Variants in FBXO10 observed in about 807,000 individuals in gnomAD.
FBXO10 encodes F-box only protein 10.
A neutral mutation model predicts 80.7 loss-of-function variants in FBXO10; 39 were observed. The ratio of observed to expected loss-of-function variants is 0.48; its 90% CI spans 0.37 to 0.63. FBXO10 has a LOEUF of 0.63. FBXO10 is among the 30% of genes least tolerant of loss of function. FBXO10 has a pLI of 0.00. For synonymous variants in FBXO10, 449 were observed against 489.6 expected (o/e 0.92, Z 1.09); for missense variants, 1,025 against 1,269.0 (o/e 0.81, Z 2.92).
intron 1 of FBXO10, among the ~76,000 whole-genome samples, chr9:37,569,040 TGG>T (rs1822680416): frequency 6.6e-6 from 1 of 151,946 alleles, no homozygotes; most frequent in Non-Finnish European, 1.5e-5. Flanking sequence ...TTAATGAAAA[TGG>T]ACTAAATGTT....
intron 5 of FBXO10, among the ~76,000 whole-genome samples, chr9:37,525,812 T>A (rs1821456159): frequency 6.6e-6 from 1 of 152,170 alleles, no homozygotes; most frequent in African/African-American, 2.4e-5. Context: ...GTGCTGGGAT[T>A]ACAGGCATGA....
chr9:37,533,334 T>C (rs1196268992), intron 3 of FBXO10, among the ~76,000 whole-genome samples: 3 of 151,738 alleles, frequency 2.0e-5, no homozygotes, highest in Non-Finnish European at 4.4e-5. Flanking sequence ...TCACTTGAGG[T>C]CAGGAGTTTG....
intron 1 of FBXO10, among the ~76,000 whole-genome samples, chr9:37,570,992 CAAA>C (rs149180080): frequency 0.078 from 8,598 of 110,402 alleles, 306 homozygotes; most frequent in South Asian, 0.23. Context: ...GACTCCGTCT[CAAA>C]AAAAAAAAAA....
At position 37,516,004 on chromosome 9, in the gene FBXO10, T is replaced by C; in HGVS notation, c.2596A>G (p.Ile866Val). ...TTACTGGTTTTGCCCTGGAAGATGA[T>C]GTTTTCCTGCACCAGGGCCTTGGCA... is the stretch of plus-strand genomic sequence containing the variant. ...GRAKALVQEN[I>V]IFQGKTSKTI... is the part of the protein sequence containing the mutation. Residue 866 changes from isoleucine to valine, a missense_variant, in exon 10 of 11, where the codon ATC becomes GTC. Ile to Val is a conservative substitution (Grantham distance 29). This residue lies in a region of FBXO10 where 478 missense variants were observed against 667.8 expected (regional missense o/e 0.72). Transcript: ENST00000432825. 1 of 1,614,074 alleles carries C rather than the reference T, an allele frequency of 6.2e-7. No homozygotes were observed. The highest frequency in any genetic ancestry group is 8.5e-7 in the Non-Finnish European group (1 of 1,179,904).
intron 1 of FBXO10, among the ~76,000 whole-genome samples, chr9:37,572,111 C>A (rs1302340464): frequency 6.6e-6 from 1 of 151,974 alleles, no homozygotes; most frequent in Non-Finnish European, 1.5e-5. Flanking sequence ...CAAAGCAAGA[C>A]CCTGTTTCCA....
chr9:37,523,782 T>A (rs1821401456), intron 6 of FBXO10, among the ~76,000 whole-genome samples: 1 of 152,128 alleles, frequency 6.6e-6, no homozygotes, highest in African/African-American at 2.4e-5. Flanking sequence ...TTGGGCGTGG[T>A]GGCACATGCC....
chr9:37,515,741 G>A (rs1014797551), intron 10 of FBXO10, 163 bp downstream of exon 10: 10 of 710,312 alleles, frequency 1.4e-5, no homozygotes, highest in East Asian at 2.6e-5. Flanking sequence ...TCCTCAGCCC[G>A]GGCCTGACAT....
chr9:37,542,596 C>CAA (rs34458549), intron 1 of FBXO10, among the ~76,000 whole-genome samples: 7,797 of 126,008 alleles, frequency 0.062, 401 homozygotes, highest in African/African-American at 0.13. Context: ...ATCTCCATCT[C>CAA]AAAAAAAAAA....
At chr9:37,540,652 A>T (rs1042249076) in intron 2 of FBXO10, among the ~76,000 whole-genome samples, 6 of 152,216 alleles carry the variant, frequency 3.9e-5, no homozygotes, top group African/African-American at 1.4e-4. Context: ...CACGGAAGGA[A>T]TATGTTGGAC....
At chr9:37,573,681 T>C (rs919050020) in intron 1 of FBXO10, among the ~76,000 whole-genome samples, 3 of 152,100 alleles carry the variant, frequency 2.0e-5, no homozygotes, top group African/African-American at 7.2e-5. Context: ...AATAAGGACA[T>C]TAGAGAGGAC....
intron 7 of FBXO10, 64 bp from the exon 8 acceptor site, chr9:37,521,902 C>A: frequency 6.8e-7 from 1 of 1,478,866 alleles, no homozygotes; most frequent in South Asian, 1.4e-5. Flanking sequence ...CTGAGTCTCC[C>A]TGAGAGGGGA....
chr9:37,566,266 T>C (rs1822603446), intron 1 of FBXO10, among the ~76,000 whole-genome samples: 1 of 152,066 alleles, frequency 6.6e-6, no homozygotes, highest in Non-Finnish European at 1.5e-5. Flanking sequence ...AGGGCCATAC[T>C]AGTATCAAAG....
chr9:37,528,126 G>A (rs1400489870), intron 5 of FBXO10, among the ~76,000 whole-genome samples: 2 of 152,174 alleles, frequency 1.3e-5, no homozygotes, highest in South Asian at 4.1e-4. Context: ...ACATAACTGT[G>A]TGAGTCTTCT....
intron 3 of FBXO10, among the ~76,000 whole-genome samples, chr9:37,532,363 T>C (rs1319366306): frequency 6.6e-6 from 1 of 150,434 alleles, no homozygotes; most frequent in Non-Finnish European, 1.5e-5. Flanking sequence ...TGCAGTGGCA[T>C]GATCTCGGCT....
chr9:37,537,503 A>G lies in FBXO10; in HGVS notation c.1026T>C (p.Ser342=), dbSNP rs762901703. 2 of 1,611,464 alleles carry G rather than the reference A, an allele frequency of 1.2e-6. No individual in the cohort carries two copies. Among genetic ancestry groups the G allele is most frequent in the Admixed American group, 3.4e-5 (2 of 59,592 alleles). The change falls in exon 3 of 11, where the codon AGT becomes AGC. Residue 342 remains serine, a synonymous_variant. Coordinates refer to ENST00000432825, the MANE Select transcript of FBXO10 (RefSeq NM_012166.3). The stretch of plus-strand genomic sequence containing the variant: ...GGGTCTGGGCCACCCTTTCACCATC[A>G]CTACCCACCTCTGCCTCCTGTGAGC... The part of the protein sequence containing the change: ...KAGSQEAEVG[S]DGERVAQTPD...
chr9:37,518,938 C>G (rs1173271048), intron 8 of FBXO10, among the ~76,000 whole-genome samples: 1 of 145,540 alleles, frequency 6.9e-6, no homozygotes, highest in Non-Finnish European at 1.5e-5. Flanking sequence ...GAGACGGAGT[C>G]TCGCTCTGTC....
chr9:37,537,637 C>G lies in FBXO10; in HGVS notation c.892G>C (p.Glu298Gln). The G allele has an allele frequency of 6.2e-7, 1 of 1,614,000 alleles. No homozygotes were observed. The highest frequency in any genetic ancestry group is 8.5e-7 in the Non-Finnish European group (1 of 1,179,888). ...GGGCTCCAGGCCTGGTCCCGGCTCT[C>G]TAGGTCCAGGGACATTAAAAAGTCA... ...DSDFLMSLDL[E>Q]SRDQAWSPKT... is the part of the protein sequence containing the mutation. Residue 298 changes from glutamate to glutamine, a missense_variant, in exon 3 of 11, where the codon GAG becomes CAG. Transcript: ENST00000432825.
chr9:37,561,686 G>A (rs1222231214), intron 1 of FBXO10, among the ~76,000 whole-genome samples: 4 of 152,182 alleles, frequency 2.6e-5, no homozygotes, highest in Non-Finnish European at 4.4e-5. Flanking sequence ...GATTGCCTAT[G>A]TGCCAAGCAT....
chr9:37,522,739 A>C, intron 7 of FBXO10, 86 bp downstream of exon 7: 1 of 1,454,460 alleles, frequency 6.9e-7, no homozygotes, highest in Non-Finnish European at 9.3e-7. Flanking sequence ...GCACAGGGAA[A>C]GGCAGTGACC....
Sources: allele counts gnomAD v4.1 joint callset (sites outside exome capture counted in the v4.1 genomes callset), GRCh38; gene constraint gnomAD v4.1.1; regional missense constraint gnomAD v4.1.1; transcripts MANE v1.5; gene names NCBI Gene and HGNC (gene_info 2026-07-23, HGNC 2026-07-21).